NDST3: variants seen among roughly 807,000 people sequenced by gnomAD.
NDST3 encodes the protein bifunctional heparan sulfate N-deacetylase/N-sulfotransferase 3.
Under a neutral mutation model 96.1 loss-of-function variants are expected in NDST3, and 58 were observed. That is an observed-to-expected ratio of 0.60 (90% confidence interval 0.49 to 0.75). The LOEUF is 0.75. NDST3 is among the 30% of genes least tolerant of loss of function. The pLI is 0.00. For missense variants in NDST3, 788 were observed against 1,034.2 expected, an observed-to-expected ratio of 0.76 and a Z score of 3.27; for synonymous variants, 333 against 359.7, an observed-to-expected ratio of 0.93 and a Z score of 0.84.
At chr4:118,075,955 T>C (rs1264486021) in intron 2 of NDST3, among the ~76,000 whole-genome samples, 1 of 152,210 alleles carries the variant, frequency 6.6e-6, no homozygotes, top group Non-Finnish European at 1.5e-5. Context: ...TTTTGTGTTT[T>C]AGTCATGAAG....
At chr4:118,070,920 A>G (rs1727017072) in intron 2 of NDST3, among the ~76,000 whole-genome samples, 1 of 151,964 alleles carries the variant, frequency 6.6e-6, no homozygotes, top group South Asian at 2.1e-4. Flanking sequence ...TCCTTGCGAT[A>G]GCTTGCTGAG....
At chr4:118,169,074 T>C (rs910600231) in intron 6 of NDST3, among the ~76,000 whole-genome samples, 2 of 152,206 alleles carry the variant, frequency 1.3e-5, no homozygotes, top group Non-Finnish European at 2.9e-5. Context: ...GTACTGTATA[T>C]TTAAATTTTT....
intron 9 of NDST3, among the ~76,000 whole-genome samples, chr4:118,235,076 G>C (rs927561698): frequency 2.0e-5 from 3 of 151,886 alleles, no homozygotes; most frequent in Admixed American, 2.0e-4. Flanking sequence ...ACTGACTCAG[G>C]GTTGACCCAA....
intron 2 of NDST3, among the ~76,000 whole-genome samples, chr4:118,097,908 G>A (rs1011953557): frequency 2.0e-5 from 3 of 151,602 alleles, no homozygotes; most frequent in Non-Finnish European, 4.4e-5. Context: ...ATCACGCTGG[G>A]TTTTGGGAAT....
chr4:118,132,684 T>G (rs1346117776), intron 4 of NDST3, among the ~76,000 whole-genome samples: 3 of 152,152 alleles, frequency 2.0e-5, no homozygotes, highest in Non-Finnish European at 4.4e-5. Context: ...ACACATGTAG[T>G]AAGTGCGTCC....
intron 2 of NDST3, among the ~76,000 whole-genome samples, chr4:118,057,493 G>A (rs1725524319): frequency 6.6e-6 from 1 of 151,968 alleles, no homozygotes; most frequent in Admixed American, 6.6e-5. Context: ...ATGATCAAAT[G>A]TAGAATATTG....
chr4:118,143,939 T>A (rs1377166823), intron 6 of NDST3, among the ~76,000 whole-genome samples: 1 of 152,138 alleles, frequency 6.6e-6, no homozygotes, highest in African/African-American at 2.4e-5. Context: ...TGCAAAGTGA[T>A]CAGAAGCTTT....
At position 118,105,101 on chromosome 4, in the gene NDST3, T is replaced by C. The variant is rs778631841; in HGVS notation, c.1065T>C (p.His355=). 35 of 1,610,076 alleles carry C rather than the reference T, an allele frequency of 2.2e-5. No individual in the cohort carries two copies. Among genetic ancestry groups the C allele is most frequent in the South Asian group, 2.0e-4 (18 of 90,952 alleles). Residue 355 remains histidine, a synonymous_variant, in exon 3 of 14, where the codon CAT becomes CAC. Transcript: ENST00000296499. ...FNLGFSGKFY[H]TGTEEEDEGD... is the part of the protein sequence containing the mutation. ...TGGGATTTTCAGGGAAATTTTACCA[T>C]ACAGGTAAGAAAAAGGGATTAACTG...
At chr4:118,191,519 C>T (rs1011980273) in intron 6 of NDST3, among the ~76,000 whole-genome samples, 2 of 152,164 alleles carry the variant, frequency 1.3e-5, no homozygotes, top group African/African-American at 4.8e-5. Context: ...AGAAAGCATT[C>T]TCTAGGCCTG....
At chr4:118,110,523 A>G (rs1314874757) in intron 3 of NDST3, among the ~76,000 whole-genome samples, 1 of 152,220 alleles carries the variant, frequency 6.6e-6, no homozygotes, top group Non-Finnish European at 1.5e-5. Flanking sequence ...ATGTTTGTAA[A>G]GTACTCAACA....
At chr4:118,095,804 G>A (rs1729254717) in intron 2 of NDST3, among the ~76,000 whole-genome samples, 1 of 151,784 alleles carries the variant, frequency 6.6e-6, no homozygotes, top group African/African-American at 2.4e-5. Flanking sequence ...GATATTTCTT[G>A]TAAATAGAAG....
Position 118,237,082 on chromosome 4 carries a change from T to A in NDST3, c.1980T>A (p.Thr660=). ...MDFFPVPSNV[T]TDFLFEKSAN... ...TCTTCCCAGTCCCATCTAATGTCAC[T>A]ACCGACTTTTTGTTTGAGAAGAGTG... Residue 660 remains threonine, a synonymous_variant, in exon 10 of 14, where the codon ACT becomes ACA. Transcript: ENST00000296499. The A allele has an allele frequency of 6.2e-7, 1 of 1,611,990 alleles. No individual in the cohort carries two copies. Among genetic ancestry groups the A allele is most frequent in the Non-Finnish European group, 8.5e-7 (1 of 1,178,910 alleles).
At chr4:118,096,210 C>A (rs887221825) in intron 2 of NDST3, among the ~76,000 whole-genome samples, 58 of 151,882 alleles carry the variant, frequency 3.8e-4, no homozygotes, top group African/African-American at 1.2e-3. Flanking sequence ...TAAACTACCT[C>A]TATATACAGA....
intron 6 of NDST3, among the ~76,000 whole-genome samples, chr4:118,217,250 G>T (rs1739249559): frequency 6.6e-6 from 1 of 152,048 alleles, no homozygotes; most frequent in Non-Finnish European, 1.5e-5. Context: ...AGACAAGTTG[G>T]CTGGTTTGCC....
In NDST3 at chr4:118,225,781, A is replaced by C. The variant is rs940490671; in HGVS notation, c.1723-1105A>C. Among the ~76,000 whole-genome samples the C allele has an allele frequency of 2.0e-5, 3 of 152,212 alleles. No homozygotes were observed. The South Asian group carries it at 6.2e-4, about 32-fold the overall frequency. ...GCACACACAGATGACTCCAAGAGAC[A>C]TAACTGCATATTTAGCAGGTTAAAG... On this transcript the variant is annotated intron_variant, in intron 7 of 13. Transcript: ENST00000296499.
At chr4:118,196,705 T>C (rs1409228305) in intron 6 of NDST3, among the ~76,000 whole-genome samples, 1 of 152,074 alleles carries the variant, frequency 6.6e-6, no homozygotes, top group Non-Finnish European at 1.5e-5. Context: ...TCCTTTTTCA[T>C]CTCTGATTTT....
chr4:118,226,771 A>AT, intron 7 of NDST3, 115 bp from the exon 8 acceptor site: 2 of 713,448 alleles, frequency 2.8e-6, no homozygotes, highest in Admixed American at 2.8e-5. Flanking sequence ...AAAAGAGTCT[A>AT]TTTTTTATCC....
At chr4:118,124,786 T>C (rs1227215178) in intron 4 of NDST3, among the ~76,000 whole-genome samples, 1 of 152,098 alleles carries the variant, frequency 6.6e-6, no homozygotes, top group African/African-American at 2.4e-5. Flanking sequence ...GACACTTCTG[T>C]TTTATAAGTT....
At chr4:118,253,637 C>T (rs988059682) in intron 13 of NDST3, 36 bp downstream of exon 13, 6 of 1,353,544 alleles carry the variant, frequency 4.4e-6, no homozygotes, top group African/African-American at 4.4e-5. Flanking sequence ...ACTAAATCAG[C>T]AAAATGGTAA....
Sources: allele counts gnomAD v4.1 joint callset (sites outside exome capture counted in the v4.1 genomes callset), GRCh38; gene constraint gnomAD v4.1.1; transcripts MANE v1.5; gene names NCBI Gene and HGNC (gene_info 2026-07-23, HGNC 2026-07-21).